SGIP1: variants seen among roughly 807,000 people sequenced by gnomAD.
SGIP1 encodes the protein SH3-containing GRB2-like protein 3-interacting protein 1.
A neutral mutation model predicts 107.5 loss-of-function variants in SGIP1; 38 were observed. The ratio of observed to expected loss-of-function variants is 0.35; its 90% CI spans 0.27 to 0.46. SGIP1 has a LOEUF of 0.46. Ranked by LOEUF, SGIP1 falls within the 20% of genes least tolerant of loss-of-function variation. SGIP1 has a pLI of 1.00. For missense variants in SGIP1, 929 were observed against 1,019.5 expected (o/e 0.91, Z 1.21); for synonymous variants, 365 against 366.1 (o/e 1.00, Z 0.03).
At chr1:66,538,039 C>T (rs967325) in intron 1 of SGIP1, among the ~76,000 whole-genome samples, 114,102 of 152,092 alleles carry the variant, frequency 0.75, 44,018 homozygotes, top group East Asian at 1. Flanking sequence ...TACTCTTTAA[C>T]TTCTTATTAA....
intron 9 of SGIP1, among the ~76,000 whole-genome samples, chr1:66,670,256 C>A (rs2083470870): frequency 6.6e-6 from 1 of 152,214 alleles, no homozygotes; most frequent in African/African-American, 2.4e-5. Flanking sequence ...AATCCTTTTA[C>A]TATCTAAATA....
intron 7 of SGIP1, among the ~76,000 whole-genome samples, chr1:66,650,645 C>A (rs911668273): frequency 2.6e-5 from 4 of 152,174 alleles, no homozygotes; most frequent in Non-Finnish European, 2.9e-5. Context: ...AAATCCCACA[C>A]GGAGCACTGT....
chr1:66,674,503 G>C (rs2084709403), intron 12 of SGIP1, among the ~76,000 whole-genome samples: 1 of 152,132 alleles, frequency 6.6e-6, no homozygotes, highest in Non-Finnish European at 1.5e-5. Flanking sequence ...AGGACCTATT[G>C]GTGAAGGGCC....
At chr1:66,699,031 C>G (rs1007288708) in intron 18 of SGIP1, among the ~76,000 whole-genome samples, 3 of 152,018 alleles carry the variant, frequency 2.0e-5, no homozygotes, top group African/African-American at 7.3e-5. Context: ...TCTAGACTCT[C>G]TGCGCTCCTG....
At chr1:66,664,472 C>T (rs1486298020) in intron 8 of SGIP1, among the ~76,000 whole-genome samples, 1 of 152,136 alleles carries the variant, frequency 6.6e-6, no homozygotes, top group Non-Finnish European at 1.5e-5. Context: ...AGTCATTCAA[C>T]AATGCCAAGC....
At chr1:66,601,215 A>T (rs1294059039) in intron 1 of SGIP1, among the ~76,000 whole-genome samples, 2 of 152,112 alleles carry the variant, frequency 1.3e-5, no homozygotes, top group Non-Finnish European at 2.9e-5. Context: ...TACAAAAAAA[A>T]TTAGCTGGGC....
chr1:66,667,616 T>C, intron 9 of SGIP1, 75 bp downstream of exon 9: 2 of 1,393,294 alleles, frequency 1.4e-6, no homozygotes, highest in East Asian at 4.6e-5. Flanking sequence ...CCAGGTTGGT[T>C]TCCCATTAAA....
At chr1:66,588,628 CTAGT>C (rs1206824916) in intron 1 of SGIP1, among the ~76,000 whole-genome samples, 2 of 133,008 alleles carry the variant, frequency 1.5e-5, no homozygotes, top group East Asian at 4.7e-4. Flanking sequence ...TTCACTCTTT[CTAGT>C]TAGTTCTTTT....
intron 15 of SGIP1, among the ~76,000 whole-genome samples, chr1:66,682,604 A>G (rs1486411227): frequency 6.6e-6 from 1 of 152,108 alleles, no homozygotes; most frequent in African/African-American, 2.4e-5. Flanking sequence ...GTGCCCTGCC[A>G]TCCACGCTGC....
At chr1:66,587,962 T>A (rs989818076) in intron 1 of SGIP1, among the ~76,000 whole-genome samples, 1 of 152,160 alleles carries the variant, frequency 6.6e-6, no homozygotes, top group African/African-American at 2.4e-5. Context: ...CACTTTTTGC[T>A]TTTTGATCTT....
chr1:66,535,777 T>C (rs554252500), intron 1 of SGIP1, among the ~76,000 whole-genome samples: 1 of 152,300 alleles, frequency 6.6e-6, no homozygotes, highest in Non-Finnish European at 1.5e-5. Context: ...GATTTAATCT[T>C]TGAATAACAA....
intron 1 of SGIP1, among the ~76,000 whole-genome samples, chr1:66,581,428 A>G (rs2061809737): frequency 6.6e-6 from 1 of 152,086 alleles, no homozygotes; most frequent in South Asian, 2.1e-4. Flanking sequence ...CCTTATAAAT[A>G]GTAGGAGCTC....
chr1:66,669,957 T>TATCTGTGA (rs1456864633), intron 9 of SGIP1, among the ~76,000 whole-genome samples: 2 of 152,224 alleles, frequency 1.3e-5, no homozygotes. Flanking sequence ...GAAGAAAATG[T>TATCTGTGA]ATCTGTGACC....
At chr1:66,741,767 A>AT (rs1414375111) in intron 24 of SGIP1, among the ~76,000 whole-genome samples, 15 of 146,048 alleles carry the variant, frequency 1.0e-4, no homozygotes, top group African/African-American at 3.5e-4. Flanking sequence ...TTTTATTTTT[A>AT]TTTATTTTTT....
At chr1:66,560,306 A>G (rs765844292) in intron 1 of SGIP1, among the ~76,000 whole-genome samples, 2 of 152,074 alleles carry the variant, frequency 1.3e-5, no homozygotes, top group Non-Finnish European at 2.9e-5. Flanking sequence ...GGTTTGACTT[A>G]ATTGAAATAC....
At chr1:66,738,993 G>A (rs902429222) in intron 21 of SGIP1, among the ~76,000 whole-genome samples, 1 of 152,032 alleles carries the variant, frequency 6.6e-6, no homozygotes, top group Non-Finnish European at 1.5e-5. Context: ...CTAGGGACTT[G>A]TCCAAGATCA....
At chr1:66,683,508 C>T (rs1199085937) in intron 15 of SGIP1, among the ~76,000 whole-genome samples, 1 of 151,976 alleles carries the variant, frequency 6.6e-6, no homozygotes, top group African/African-American at 2.4e-5. Context: ...TAGGAGTTCA[C>T]CCGTACTGCA....
At chr1:66,554,893 T>C (rs1045450921) in intron 1 of SGIP1, among the ~76,000 whole-genome samples, 1 of 152,166 alleles carries the variant, frequency 6.6e-6, no homozygotes, top group African/African-American at 2.4e-5. Context: ...ATCTATACAA[T>C]GCATCTATAA....
At chr1:66,677,745 C>A (rs555803710) in intron 13 of SGIP1, among the ~76,000 whole-genome samples, 1 of 152,154 alleles carries the variant, frequency 6.6e-6, no homozygotes, top group Non-Finnish European at 1.5e-5. Context: ...GTAAAGCCAC[C>A]CTTCTTAAAG....
Sources: gnomAD v4.1 joint callset for allele counts (sites outside exome capture counted in the v4.1 genomes callset) on GRCh38, gnomAD v4.1.1 for gene constraint, MANE v1.5 for transcripts, NCBI Gene and HGNC (gene_info 2026-07-23, HGNC 2026-07-21) for gene names.